The following IRAK1BP1 variants were observed in gnomAD, a reference collection of about 807,000 sequenced individuals.
IRAK1BP1 encodes the protein interleukin-1 receptor-associated kinase 1-binding protein 1.
IRAK1BP1 carries 24 observed loss-of-function variants against 28.0 expected under a neutral mutation model. The ratio of observed to expected loss-of-function variants is 0.86; its 90% confidence interval spans 0.62 to 1.20. The LOEUF (loss-of-function observed/expected upper bound fraction) is 1.20, where lower values mean the gene tolerates loss of function less well. Ranked by LOEUF, IRAK1BP1 falls within the 50% of genes most tolerant of loss-of-function variation. IRAK1BP1 has a pLI of 0.00. For missense variants in IRAK1BP1, 336 were observed against 316.7 expected, an observed-to-expected ratio of 1.06 and a Z score of -0.46; for synonymous variants, 131 against 116.3, an observed-to-expected ratio of 1.13 and a Z score of -0.81.
chr6:78,970,984 CT>C, the IRAK1BP1 span: 1 of 744,062 alleles, frequency 1.3e-6, no homozygotes, highest in Non-Finnish European at 2.2e-6. Flanking sequence ...AATCTAATGC[CT>C]TTTCAGCTAA....
chr6:78,935,007 GA>G (rs1278098376), intron 4 of IRAK1BP1, among the ~76,000 whole-genome samples: 3 of 152,152 alleles, frequency 2.0e-5, no homozygotes, highest in Admixed American at 2.0e-4. Flanking sequence ...ATATTGCAAG[GA>G]ACAGAGGTTT....
intron 4 of IRAK1BP1, chr6:78,938,330 CTCA>C (rs1773348207): frequency 1.3e-5 from 2 of 151,586 alleles, no homozygotes; most frequent in African/African-American, 2.4e-5. Context: ...ATGGTAAATA[CTCA>C]TTTCTTTGCT....
At chr6:78,922,925 A>G (rs1305249500) in intron 4 of IRAK1BP1, among the ~76,000 whole-genome samples, 1 of 152,220 alleles carries the variant, frequency 6.6e-6, no homozygotes, top group African/African-American at 2.4e-5. Flanking sequence ...TGAAGGAAGC[A>G]CTAAACATGG....
At position 78,898,153 on chromosome 6, in the gene IRAK1BP1, T is replaced by C; in HGVS notation, c.602T>C (p.Leu201Ser). 1 of 1,613,836 alleles carries C rather than the reference T, an allele frequency of 6.2e-7. No individual in the cohort carries two copies. The highest frequency in any genetic ancestry group is 8.5e-7 in the Non-Finnish European group (1 of 1,179,948). Residue 201 changes from leucine (L) to serine (S), a missense_variant, in exon 4 of 4, where the codon TTA (leucine) becomes TCA (serine). Coordinates refer to ENST00000369940, the MANE Select transcript of IRAK1BP1 (RefSeq NM_001010844.4). The stretch of plus-strand genomic sequence containing the variant: ...GTTGGCCAAACCTTAGGAAAACCTT[T>C]ACTAATCAAAGAAGAAGAAACAAAA... Reference protein sequence around the residue: ...NLVGQTLGKPLLIKEEETKEW... With the variant: ...NLVGQTLGKPSLIKEEETKEW...
At chr6:78,917,665 G>A (rs926468967) in intron 4 of IRAK1BP1, among the ~76,000 whole-genome samples, 14 of 145,806 alleles carry the variant, frequency 9.6e-5, no homozygotes, top group African/African-American at 3.3e-4. Flanking sequence ...AATCTTAAAG[G>A]CAACTACTGA....
chr6:78,932,421 C>CTTTTTTTTTTTTTT (rs386407659), intron 4 of IRAK1BP1, among the ~76,000 whole-genome samples: 1 of 123,702 alleles, frequency 8.1e-6, no homozygotes, highest in African/African-American at 3.0e-5. Context: ...CTTTCTTTTT[C>CTTTTTTTTTTTTTT]TTTTTTTTTT....
At chr6:78,972,974 T>G in the IRAK1BP1 span, among the ~76,000 whole-genome samples, 2 of 139,428 alleles carry the variant, frequency 1.4e-5, no homozygotes, top group African/African-American at 5.1e-5. Flanking sequence ...TCCACGAGAA[T>G]TTCCCCAATC....
intron 2 of IRAK1BP1, among the ~76,000 whole-genome samples, chr6:78,896,729 G>T (rs923016542): frequency 6.6e-6 from 1 of 151,788 alleles, no homozygotes; most frequent in Non-Finnish European, 1.5e-5. Context: ...GGGGGCTGAG[G>T]CAGGAGGATC....
At chr6:78,968,033 G>A in the IRAK1BP1 span, among the ~76,000 whole-genome samples, 5 of 152,122 alleles carry the variant, frequency 3.3e-5, no homozygotes, top group East Asian at 9.6e-4. Context: ...AGCTAATCGG[G>A]AGGCTGAGGT....
At position 78,898,168 on chromosome 6, in the gene IRAK1BP1, A is replaced by G; in HGVS notation, c.617A>G (p.Glu206Gly). Residue 206 changes from glutamate to glycine, a missense_variant, in exon 4 of 4, where the codon GAA becomes GGA. Physicochemically the swap from Glu to Gly is moderately conservative, Grantham distance 98. Coordinates refer to ENST00000369940, the MANE Select transcript of IRAK1BP1 (RefSeq NM_001010844.4). ...GGAAAACCTTTACTAATCAAAGAAG[A>G]AGAAACAAAAGAATGGGAAGGCCAA... ...TLGKPLLIKE[E>G]ETKEWEGQID... is the part of the protein sequence containing the mutation. 6.2e-7 allele frequency: 1 copy of G among 1,613,848 alleles called. No individual in the cohort carries two copies. Among genetic ancestry groups the G allele is most frequent in the Non-Finnish European group, 8.5e-7 (1 of 1,179,944 alleles).
chr6:78,916,460 G>A (rs1378107265), intron 4 of IRAK1BP1, among the ~76,000 whole-genome samples: 1 of 152,044 alleles, frequency 6.6e-6, no homozygotes, highest in African/African-American at 2.4e-5. Context: ...AGTGTGGTGG[G>A]GGGAGGGAAG....
At chr6:78,940,950 C>A in intron 4 of IRAK1BP1, 1 of 1,614,052 alleles carries the variant, frequency 6.2e-7, no homozygotes, top group Non-Finnish European at 8.5e-7. Context: ...CTCCTTAACA[C>A]TTTGACACTT....
rs1364120606 is a variant in IRAK1BP1, at chr6:78,885,458, A to T, written c.381+15A>T. 5 of 579,870 alleles carry T rather than the reference A, an allele frequency of 8.6e-6. No individual in the cohort carries two copies. The highest frequency in any genetic ancestry group is 1.3e-5 in the Non-Finnish European group (5 of 374,548). 35.9% of individuals were successfully genotyped at this position (579,870 alleles called of 1,614,324 possible). A position where few individuals can be genotyped will look rare whatever the true frequency, so the allele number is the denominator to read the frequency against. ...TGGAAGCAGAGGTATGTACTTAACA[A>T]ATAATTGGAAGCAGCATGATTTTGT... is the stretch of plus-strand genomic sequence containing the variant. On this transcript the variant is annotated intron_variant, in intron 2 of 3. Transcript: ENST00000369940.
the IRAK1BP1 span, chr6:78,955,751 C>T: frequency 1.5e-5 from 9 of 590,316 alleles, no homozygotes; most frequent in East Asian, 5.7e-5. Flanking sequence ...AAAATTTGTT[C>T]GTAAAACCAT....
intron 2 of IRAK1BP1, among the ~76,000 whole-genome samples, chr6:78,890,776 T>C (rs566262837): frequency 2.6e-5 from 4 of 152,140 alleles, no homozygotes; most frequent in Non-Finnish European, 5.9e-5. Context: ...TAGAAATCCT[T>C]ACCTGGCCAA....
At chr6:78,947,815 C>T (rs375775755), downstream of IRAK1BP1, 5 of 1,400,814 alleles carry the variant, frequency 3.6e-6, no homozygotes, top group Middle Eastern at 3.6e-4. Context: ...ATTATTACTA[C>T]ACAAAGCATC....
intron 4 of IRAK1BP1, among the ~76,000 whole-genome samples, chr6:78,931,271 G>A (rs892453452): frequency 6.6e-6 from 1 of 152,050 alleles, no homozygotes; most frequent in African/African-American, 2.4e-5. Context: ...TAAATGCCTG[G>A]TGAGGTGGTG....
chr6:78,976,139 A>G, the IRAK1BP1 span, among the ~76,000 whole-genome samples: 9 of 150,268 alleles, frequency 6.0e-5, no homozygotes, highest in South Asian at 4.2e-4. Flanking sequence ...ACAAGGCTAC[A>G]GTAACCAAAA....
chr6:78,884,774 T>C (rs1231181307), intron 1 of IRAK1BP1, among the ~76,000 whole-genome samples: 2 of 152,150 alleles, frequency 1.3e-5, no homozygotes, highest in Admixed American at 1.3e-4. Flanking sequence ...GTAAATTAAA[T>C]ATTTTTTAAA....
Sources: allele counts gnomAD v4.1 joint callset (sites outside exome capture counted in the v4.1 genomes callset), GRCh38; gene constraint gnomAD v4.1.1; transcripts MANE v1.5; gene names NCBI Gene and HGNC (gene_info 2026-07-23, HGNC 2026-07-21).